OTOF: variants seen among roughly 807,000 people sequenced by gnomAD.
The protein encoded by OTOF is otoferlin.
Under a neutral mutation model 236.8 loss-of-function variants are expected in OTOF, and 218 were observed. That is an observed-to-expected ratio of 0.92 (90% CI 0.82 to 1.03). OTOF has a LOEUF of 1.03. Ranked by LOEUF, OTOF falls within the 50% of genes least tolerant of loss-of-function variation. The pLI, the probability that OTOF is intolerant of heterozygous loss-of-function variation, is 0.00. For missense variants in OTOF, 2,590 were observed against 2,694.4 expected (o/e 0.96, Z 0.86); for synonymous variants, 1,041 against 1,072.5 (o/e 0.97, Z 0.57).
chr2:26,524,030 C>T (rs2148108912), intron 3 of OTOF, among the ~76,000 whole-genome samples: 1 of 152,388 alleles, frequency 6.6e-6, no homozygotes, highest in Middle Eastern at 3.4e-3. Context: ...CTCAGCTCTG[C>T]AGCCAGCAGT....
chr2:26,540,514 T>C (rs1006782404), intron 1 of OTOF, among the ~76,000 whole-genome samples: 1 of 152,180 alleles, frequency 6.6e-6, no homozygotes, highest in African/African-American at 2.4e-5. Flanking sequence ...AGCAGGCTCG[T>C]TCCCTCCGGG....
chr2:26,522,616 T>C (rs1044911552), intron 3 of OTOF, among the ~76,000 whole-genome samples: 7 of 152,108 alleles, frequency 4.6e-5, no homozygotes, highest in Non-Finnish European at 8.8e-5. Flanking sequence ...CCCAGGACGA[T>C]TGAGGAAGGG....
intron 10 of OTOF, 72 bp downstream of exon 10, chr2:26,489,606 C>T: frequency 3.1e-6 from 4 of 1,308,894 alleles, no homozygotes; most frequent in African/African-American, 1.4e-5. Flanking sequence ...ACAGAGGGGG[C>T]CCCTCTCAAG....
At chr2:26,494,845 C>T (rs984922522) in intron 9 of OTOF, 97 bp downstream of exon 9, 5 of 1,431,418 alleles carry the variant, frequency 3.5e-6, no homozygotes, top group Admixed American at 3.4e-5. Context: ...GCCCTGTGTG[C>T]TCCTTGACTT....
At chr2:26,521,530 A>G (rs1666677406) in intron 3 of OTOF, among the ~76,000 whole-genome samples, 1 of 152,146 alleles carries the variant, frequency 6.6e-6, no homozygotes, top group East Asian at 1.9e-4. Context: ...GAATCCCTGA[A>G]ACAACCTCCC....
chr2:26,519,535 C>T (rs553907367), intron 3 of OTOF, among the ~76,000 whole-genome samples: 1 of 152,296 alleles, frequency 6.6e-6, no homozygotes, highest in African/African-American at 2.4e-5. Context: ...CAGCCCACAC[C>T]AACAGCACTC....
chr2:26,466,857 C>A lies in OTOF; in HGVS notation c.4363-6G>T. The A allele has an allele frequency of 6.2e-7, 1 of 1,614,124 alleles. No homozygotes were observed. The highest frequency in any genetic ancestry group is 8.5e-7 in the Non-Finnish European group (1 of 1,180,028). On this transcript the variant is annotated splice_polypyrimidine_tract_variant and splice_region_variant and intron_variant, in intron 35 of 46. Coordinates refer to ENST00000272371, the MANE Select transcript of OTOF (RefSeq NM_194248.3). Reference sequence around the variant, plus strand: ...TTGTACACGCAGAGGGAGCCCTGGGCAAGACAAATGTGGGTCAGGGTGTAG... The same window carrying A: ...TTGTACACGCAGAGGGAGCCCTGGGAAAGACAAATGTGGGTCAGGGTGTAG...
intron 32 of OTOF, among the ~76,000 whole-genome samples, chr2:26,468,820 C>CA (rs1335624965): frequency 6.6e-6 from 1 of 152,130 alleles, no homozygotes; most frequent in Non-Finnish European, 1.5e-5. Context: ...CCAAACACTG[C>CA]ATGTTCTCAC....
intron 1 of OTOF, among the ~76,000 whole-genome samples, chr2:26,540,064 G>A (rs1667174121): frequency 6.6e-6 from 1 of 152,120 alleles, no homozygotes; most frequent in Non-Finnish European, 1.5e-5. Context: ...CTCCCAAGTA[G>A]TTGGGATTAC....
At chr2:26,502,525 C>A in intron 6 of OTOF, 99 bp from the exon 7 acceptor site, 1 of 1,310,050 alleles carries the variant, frequency 7.6e-7, no homozygotes, top group South Asian at 1.3e-5. Context: ...GAGTTAAATT[C>A]GAGGTTTACT....
At position 26,476,248 on chromosome 2, in the gene OTOF, G is replaced by T; in HGVS notation, c.2746C>A (p.Leu916Met). Reference sequence around the variant, plus strand: ...TCCTTGCGCTGTTTGCTGAGGCCCAGCCACAGGTACAGCTCCACCTTGGCC... The same window carrying T: ...TCCTTGCGCTGTTTGCTGAGGCCCATCCACAGGTACAGCTCCACCTTGGCC... Reference protein sequence around the residue: ...VQAKVELYLWLGLSKQRKEFL... With the variant: ...VQAKVELYLWMGLSKQRKEFL... The change falls in exon 23 of 47, where the codon CTG becomes ATG. Residue 916 changes from leucine to methionine, a missense_variant. Physicochemically the swap from Leu to Met is conservative, Grantham distance 15 (BLOSUM62 2). Coordinates refer to ENST00000272371, the MANE Select transcript of OTOF (RefSeq NM_194248.3). 1 of 1,607,914 alleles carries T rather than the reference G, an allele frequency of 6.2e-7. No individual in the cohort carries two copies. Among genetic ancestry groups the T allele is most frequent in the Non-Finnish European group, 8.5e-7 (1 of 1,179,814 alleles).
Position 26,465,912 on chromosome 2 carries a change from T to A in OTOF, c.4628+37A>T, listed in dbSNP as rs189596402. Reference sequence around the variant, plus strand: ...TGGGAGGTGTTCTGGGTTGGAGAAGTAGGGGTGTGGCAGGGGAGGGCACCA... The same window carrying A: ...TGGGAGGTGTTCTGGGTTGGAGAAGAAGGGGTGTGGCAGGGGAGGGCACCA... On this transcript the variant is annotated intron_variant, in intron 37 of 46. Transcript: ENST00000272371. The A allele has an allele frequency of 9.1e-5, 147 of 1,614,128 alleles. No individual in the cohort carries two copies. The East Asian group carries it at 3.1e-3, about 34-fold the overall frequency.
intron 14 of OTOF, among the ~76,000 whole-genome samples, 185 bp downstream of exon 14, chr2:26,482,221 G>A (rs1665557420): frequency 6.6e-6 from 1 of 152,154 alleles, no homozygotes; most frequent in Non-Finnish European, 1.5e-5. Flanking sequence ...CCAGCTCTGA[G>A]CCGACCTGAG....
rs1664487836 is a variant in OTOF at position 26,461,983 on chromosome 2, T to C, written c.5292-46A>G. Reference sequence around the variant, plus strand: ...GACCCGCAGCCAGGCTGGTGGGGCCTCTCCCACCCACAGCCACCTTCCCTC... The same window carrying C: ...GACCCGCAGCCAGGCTGGTGGGGCCCCTCCCACCCACAGCCACCTTCCCTC... On this transcript the variant is annotated intron_variant, in intron 42 of 46. Coordinates refer to ENST00000272371, the MANE Select transcript of OTOF (RefSeq NM_194248.3). The surrounding 1 kb of genome is among the most constrained non-coding windows in gnomAD (Gnocchi z 6.2). 6.2e-7 allele frequency: 1 copy of C among 1,612,994 alleles called. No individual in the cohort carries two copies. Among genetic ancestry groups the C allele is most frequent in the Non-Finnish European group, 8.5e-7 (1 of 1,179,660 alleles).
rs751904344 is a variant in OTOF at position 26,461,007 on chromosome 2, G to T, written c.5557C>A (p.Arg1853=). 1.7e-5 allele frequency: 28 copies of T among 1,607,708 alleles called. No individual in the cohort carries two copies. The South Asian group carries it at 3.1e-4, about 18-fold the overall frequency. Residue 1853 remains arginine, a synonymous_variant, in exon 44 of 47, where the codon CGG becomes AGG. Transcript: ENST00000272371. The surrounding 1 kb of genome is among the most constrained non-coding windows in gnomAD (Gnocchi z 6.2). ...GCTGTCTTTGCGCCCCGCGGGAACC[G>T]GTTCAGGTCCAGCTCGATGGCCCCT... ...FLGAIELDLN[R]FPRGAKTAKQ...
chr2:26,470,513 G>A lies in OTOF; in HGVS notation c.4023+80C>T, dbSNP rs1309036774. The A allele has an allele frequency of 2.8e-6, 4 of 1,406,852 alleles. No individual in the cohort carries two copies. The highest frequency in any genetic ancestry group is 1.2e-5 in the South Asian group (1 of 86,840). The allele number at this position is 1,406,852 out of a possible 1,614,324, so 87.1% of individuals were successfully genotyped here. A position where few individuals can be genotyped will look rare whatever the true frequency, so the allele number is the denominator to read the frequency against. On this transcript the variant is annotated intron_variant, in intron 32 of 46. Coordinates refer to ENST00000272371, the MANE Select transcript of OTOF (RefSeq NM_194248.3). The surrounding 1 kb of genome is among the most constrained non-coding windows in gnomAD (Gnocchi z 4.3). Reference sequence around the variant, plus strand: ...TGAATGGAGTTGGGATCCAGCTCTTGGGGGCCGTGGGAAAGAAGCTGGACA... The same window carrying A: ...TGAATGGAGTTGGGATCCAGCTCTTAGGGGCCGTGGGAAAGAAGCTGGACA...
chr2:26,485,205 C>T (rs1192570910), intron 11 of OTOF, among the ~76,000 whole-genome samples: 1 of 152,242 alleles, frequency 6.6e-6, no homozygotes, highest in African/African-American at 2.4e-5. Context: ...GCATCTGCTG[C>T]TCTTTGAGCT....
chr2:26,505,792 C>G (rs1215046613), intron 5 of OTOF, among the ~76,000 whole-genome samples: 1 of 152,202 alleles, frequency 6.6e-6, no homozygotes, highest in Non-Finnish European at 1.5e-5. Context: ...TAAAAGGCCC[C>G]AGGGCTGGCA....
rs765656526 is a variant in OTOF at position 26,489,216 on chromosome 2, T to C, written c.1040A>G (p.Gln347Arg). 5 of 1,608,180 alleles carry C rather than the reference T, an allele frequency of 3.1e-6. No homozygotes were observed. The Admixed American group carries it at 8.3e-5, about 27-fold the overall frequency. The part of the protein sequence containing the change: ...FKMDVGTVYS[Q>R]PEHQFHHKWA... ...GGCCATGCGCAGGTACTCACCTGGC[T>C]GCGAGTACACGGTTCCCACGTCCAT... The change falls in exon 11 of 47, where the codon CAG (glutamine) becomes CGG (arginine). Residue 347 changes from glutamine (Q) to arginine (R), a missense_variant. By Grantham distance (43) the Gln-to-Arg change is conservative. This residue lies in a region of OTOF where 1,379 missense variants were observed against 1,341.6 expected (regional missense o/e 1.03). Transcript: ENST00000272371.
Sources: allele counts gnomAD v4.1 joint callset (sites outside exome capture counted in the v4.1 genomes callset), GRCh38; gene constraint gnomAD v4.1.1; regional missense constraint gnomAD v4.1.1; non-coding constraint Gnocchi (gnomAD v3.1); transcripts MANE v1.5; gene names NCBI Gene and HGNC (gene_info 2026-07-23, HGNC 2026-07-21).